Variants in CNBD1 observed in about 807,000 individuals in gnomAD.
The protein encoded by CNBD1 is cyclic nucleotide binding domain containing 1, also known as cyclic nucleotide-binding domain-containing protein 1.
CNBD1 carries 71 observed loss-of-function variants against 54.4 expected under a neutral mutation model. The ratio of observed to expected loss-of-function variants is 1.30; its 90% confidence interval spans 1.08 to 1.59. CNBD1 has a LOEUF of 1.59. Among genes scored for constraint, CNBD1 ranks in the 40% most tolerant of loss-of-function variants. CNBD1 has a pLI of 0.00. For missense variants in CNBD1, 659 were observed against 518.0 expected, an observed-to-expected ratio of 1.27 and a Z score of -2.64; for synonymous variants, 182 against 170.7, an observed-to-expected ratio of 1.07 and a Z score of -0.51.
At chr8:87,304,663 C>G (rs1311652041) in intron 8 of CNBD1, among the ~76,000 whole-genome samples, 3 of 151,756 alleles carry the variant, frequency 2.0e-5, no homozygotes, top group Admixed American at 2.0e-4. Flanking sequence ...ATAAAAATCA[C>G]ATAATCATTT....
At chr8:87,139,953 A>G (rs916835939) in intron 4 of CNBD1, among the ~76,000 whole-genome samples, 1 of 152,150 alleles carries the variant, frequency 6.6e-6, no homozygotes, top group Non-Finnish European at 1.5e-5. Context: ...TAATTTTCAG[A>G]GAGATCAAAA....
chr8:87,349,152 C>T (rs1013335066), intron 8 of CNBD1, among the ~76,000 whole-genome samples: 2 of 152,034 alleles, frequency 1.3e-5, no homozygotes, highest in African/African-American at 2.4e-5. Flanking sequence ...GTGTTACAAT[C>T]CTGCAGATCA....
intron 5 of CNBD1, among the ~76,000 whole-genome samples, chr8:87,223,032 G>C (rs948677448): frequency 7.1e-6 from 1 of 141,368 alleles, no homozygotes; most frequent in African/African-American, 2.6e-5. Flanking sequence ...AATCAGTATT[G>C]TTTCCTTATT....
intron 4 of CNBD1, among the ~76,000 whole-genome samples, chr8:87,091,839 C>A (rs914351114): frequency 6.6e-6 from 1 of 152,014 alleles, no homozygotes; most frequent in Non-Finnish European, 1.5e-5. Context: ...TAAAAGCACA[C>A]ACACACACGT....
In CNBD1 at chr8:87,286,554, G is replaced by A; in HGVS notation, c.925G>A (p.Glu309Lys). The A allele has an allele frequency of 6.9e-7, 1 of 1,443,910 alleles. No homozygotes were observed. Among genetic ancestry groups the A allele is most frequent in the Non-Finnish European group, 9.5e-7 (1 of 1,052,280 alleles). 89.4% of individuals were successfully genotyped at this position (1,443,910 alleles called of 1,614,324 possible). A position where few individuals can be genotyped will look rare whatever the true frequency, so the allele number is the denominator to read the frequency against. ...TCTGTTTTAGGAAAAAATAAAACTT[G>A]AAAATATGCAAAAGTTGAAATTAAT... ...AKIKEEKIKL[E>K]NMQKLKLIRM... The change falls in exon 8 of 11, where the codon GAA becomes AAA. Residue 309 changes from glutamate to lysine, a missense_variant. Physicochemically the swap from Glu to Lys is moderately conservative, Grantham distance 56 (BLOSUM62 1). Transcript: ENST00000518476.
chr8:87,226,267 T>C (rs1230627057), intron 5 of CNBD1, among the ~76,000 whole-genome samples: 13 of 151,252 alleles, frequency 8.6e-5, no homozygotes, highest in Non-Finnish European at 1.6e-4. Context: ...TTTAGTTATT[T>C]CTTGCCTTCT....
At chr8:86,931,281 G>A (rs891572414) in intron 3 of CNBD1, among the ~76,000 whole-genome samples, 12 of 152,262 alleles carry the variant, frequency 7.9e-5, no homozygotes, top group South Asian at 4.1e-4. Flanking sequence ...GGCCCTCAGT[G>A]GTTAAACTTA....
chr8:87,026,343 T>C (rs1040610238), intron 4 of CNBD1, among the ~76,000 whole-genome samples: 3 of 151,842 alleles, frequency 2.0e-5, no homozygotes, highest in African/African-American at 7.3e-5. Context: ...CTTGCTTCCT[T>C]CCCTTCTCCC....
chr8:87,239,608 C>A (rs1807651225), intron 6 of CNBD1, among the ~76,000 whole-genome samples: 1 of 152,086 alleles, frequency 6.6e-6, no homozygotes, highest in Admixed American at 6.5e-5. Context: ...ATTTCACCCT[C>A]CAACAGTTTG....
At chr8:87,420,065 G>A (rs1807904960) in intron 2 of CNBD1, among the ~76,000 whole-genome samples, 1 of 151,482 alleles carries the variant, frequency 6.6e-6, no homozygotes, top group South Asian at 2.1e-4. Context: ...CAAAATGTAA[G>A]ATTCATTTAA....
intron 6 of CNBD1, among the ~76,000 whole-genome samples, chr8:87,263,548 G>T (rs375712121): frequency 4.7e-5 from 7 of 149,394 alleles, no homozygotes; most frequent in African/African-American, 1.8e-4. Context: ...GTAAGTAATT[G>T]TTTTTTTCAA....
intron 1 of CNBD1, among the ~76,000 whole-genome samples, chr8:86,870,405 G>A (rs1808426902): frequency 1.3e-5 from 2 of 151,644 alleles, no homozygotes; most frequent in African/African-American, 4.8e-5. Context: ...CACCGTGTTG[G>A]CCAGAATGGT....
intron 10 of CNBD1, among the ~76,000 whole-genome samples, chr8:87,359,600 A>G (rs1226035525): frequency 2.0e-5 from 3 of 152,140 alleles, no homozygotes; most frequent in Non-Finnish European, 2.9e-5. Flanking sequence ...GAACAATGAT[A>G]TTAATTTGCA....
At position 87,361,662 on chromosome 8, in the gene CNBD1, G is replaced by T. The variant is rs1288242520; in HGVS notation, c.1303+7876G>T. Among the ~76,000 whole-genome samples, 4 of 147,010 alleles carry T rather than the reference G, an allele frequency of 2.7e-5. No homozygotes were observed. The Admixed American group carries it at 2.7e-4, about 10-fold the overall frequency. On this transcript the variant is annotated intron_variant, in intron 10 of 10. Transcript: ENST00000518476. ...TTGCCCCAGCAATTCCAGTTCATGGGGATCATTCCAACAAAATAGTTGGAT... is the reference window on the plus strand; with the variant it reads ...TTGCCCCAGCAATTCCAGTTCATGGTGATCATTCCAACAAAATAGTTGGAT...
rs183668751 is a variant in CNBD1 at position 87,279,568 on chromosome 8, G to C, written c.772-5110G>C. Among the ~76,000 whole-genome samples, 66 of 151,440 alleles carry C rather than the reference G, an allele frequency of 4.4e-4. No homozygotes were observed. The East Asian group carries it at 0.012, about 28-fold the overall frequency. ...TTATACTAACCAGAAGGCCAAAGTA[G>C]CTGTACTATAGTAGGCAAAGTAGAT... is the stretch of plus-strand genomic sequence containing the variant. On this transcript the variant is annotated intron_variant, in intron 6 of 10. Coordinates refer to ENST00000518476, the MANE Select transcript of CNBD1 (RefSeq NM_173538.3).
In CNBD1 at chr8:87,231,868, T is replaced by C. The variant is rs569828488; in HGVS notation, c.578-5051T>C. Among the ~76,000 whole-genome samples, 8 of 151,782 alleles carry C rather than the reference T, an allele frequency of 5.3e-5. No homozygotes were observed. The East Asian group carries it at 1.5e-3, about 29-fold the overall frequency. ...ACTGTATCCCAGATCCTTAGCAAGA[T>C]ACAGAACTTTACTATCACCCTAAAA... On this transcript the variant is annotated intron_variant, in intron 5 of 10. Transcript: ENST00000518476.
At chr8:87,069,790 A>T (rs1284864930) in intron 4 of CNBD1, among the ~76,000 whole-genome samples, 1 of 152,108 alleles carries the variant, frequency 6.6e-6, no homozygotes, top group Non-Finnish European at 1.5e-5. Flanking sequence ...GATAAATTTC[A>T]TATGGGCATA....
intron 8 of CNBD1, among the ~76,000 whole-genome samples, chr8:87,340,750 G>A (rs986185939): frequency 6.6e-6 from 1 of 151,850 alleles, no homozygotes; most frequent in Non-Finnish European, 1.5e-5. Context: ...TTCTATTCCT[G>A]AGTTGTAACA....
intron 2 of CNBD1, among the ~76,000 whole-genome samples, chr8:87,389,862 A>C (rs1391860147): frequency 3.9e-5 from 6 of 152,212 alleles, no homozygotes; most frequent in African/African-American, 1.4e-4. Context: ...ACAAGGCTAC[A>C]GTAACCAAAA....
Sources: allele counts gnomAD v4.1 joint callset (sites outside exome capture counted in the v4.1 genomes callset), GRCh38; gene constraint gnomAD v4.1.1; transcripts MANE v1.5; gene names NCBI Gene and HGNC (gene_info 2026-07-23, HGNC 2026-07-21).